The following PTPRG variants were observed in gnomAD, a reference collection of about 807,000 sequenced individuals.
The protein encoded by PTPRG is protein tyrosine phosphatase receptor type G.
In PTPRG, 102 loss-of-function variants were observed where a neutral mutation model predicts 165.3. That is an observed-to-expected ratio of 0.62 (90% confidence interval 0.53 to 0.73). The LOEUF (loss-of-function observed/expected upper bound fraction) is 0.73, where lower values mean the gene tolerates loss of function less well. PTPRG is among the 30% of genes least tolerant of loss of function. The probability of loss-of-function intolerance (pLI) is 0.00; values close to 1 mark genes in which losing one functional copy is unlikely to be tolerated. For missense variants in PTPRG, 1,866 were observed against 1,861.4 expected, an observed-to-expected ratio of 1.00 and a Z score of -0.05; for synonymous variants, 675 against 669.5, an observed-to-expected ratio of 1.01 and a Z score of -0.13.
rs570694602 is a variant in PTPRG at position 62,123,176 on chromosome 3, C to T, written c.616-9426C>T. ...GGGACTATGATCTCATCCGAAAGTT[C>T]AACTGGGGAATGATTCACTTCTAAT... On this transcript the variant is annotated intron_variant, in intron 5 of 29. Transcript: ENST00000474889. 3.3e-5 allele frequency among the ~76,000 whole-genome samples: 5 copies of T among 152,306 alleles called. No individual in the cohort carries two copies. The East Asian group carries it at 5.8e-4, about 18-fold the overall frequency.
intron 5 of PTPRG, among the ~76,000 whole-genome samples, chr3:62,084,956 T>C (rs1241088430): frequency 6.6e-6 from 1 of 152,188 alleles, no homozygotes; most frequent in Admixed American, 6.5e-5. Flanking sequence ...CTCCATTGTC[T>C]AGATTGGAAA....
chr3:61,750,879 GT>G (rs770155790), intron 2 of PTPRG: 5 of 152,126 alleles, frequency 3.3e-5, no homozygotes, highest in Non-Finnish European at 7.4e-5. Flanking sequence ...GTTGGATAGG[GT>G]CCACAGGTTA....
intron 2 of PTPRG, among the ~76,000 whole-genome samples, chr3:61,967,642 G>T (rs977857667): frequency 1.3e-5 from 2 of 152,164 alleles, no homozygotes; most frequent in African/African-American, 4.8e-5. Flanking sequence ...GTTCTGATTA[G>T]AAATGAGTGA....
intron 28 of PTPRG, 76 bp from the exon 29 acceptor site, chr3:62,292,345 C>T (rs1702926379): frequency 2.1e-6 from 3 of 1,452,888 alleles, no homozygotes; most frequent in Non-Finnish European, 1.9e-6. Flanking sequence ...TATGAAAATA[C>T]ATGACAGTAA....
At chr3:62,221,315 G>C (rs184920542) in intron 13 of PTPRG, among the ~76,000 whole-genome samples, 59 of 152,222 alleles carry the variant, frequency 3.9e-4, no homozygotes, top group Non-Finnish European at 7.9e-4. Flanking sequence ...GTCTGGACTT[G>C]AGCTTTTACC....
chr3:62,151,470 G>A (rs1704335267), intron 6 of PTPRG, among the ~76,000 whole-genome samples: 1 of 151,812 alleles, frequency 6.6e-6, no homozygotes, highest in South Asian at 2.1e-4. Flanking sequence ...ATTCATTTTT[G>A]CAATTTGAAT....
At position 62,003,234 on chromosome 3, in the gene PTPRG, C is replaced by A. The variant is rs1030370206; in HGVS notation, c.371-115C>A. ...TGTTCAACATATTTTTTCATAGGTA[C>A]ATGAGGACATAATTCATATCATGGT... On this transcript the variant is annotated intron_variant, in intron 3 of 29. Transcript: ENST00000474889. 23 of 1,215,770 alleles carry A rather than the reference C, an allele frequency of 1.9e-5. No homozygotes were observed. In the African/African-American group the frequency reaches 3.5e-4, roughly 18 times the overall value. 75.3% of individuals were successfully genotyped at this position (1,215,770 alleles called of 1,614,324 possible). A position where few individuals can be genotyped will look rare whatever the true frequency, so the allele number is the denominator to read the frequency against.
intron 2 of PTPRG, among the ~76,000 whole-genome samples, chr3:61,785,913 G>A (rs922954806): frequency 2.0e-5 from 3 of 152,096 alleles, no homozygotes; most frequent in Non-Finnish European, 2.9e-5. Flanking sequence ...CTTCTCTCCT[G>A]TTTGTTCTTT....
chr3:62,269,181 A>G lies in PTPRG; in HGVS notation c.3009+12A>G, dbSNP rs1701979223. On this transcript the variant is annotated intron_variant, in intron 20 of 29. Transcript: ENST00000474889. The stretch of plus-strand genomic sequence containing the variant: ...CAAAAGTGAAAAAGGTATGGAAGGA[A>G]TTGGGTAGGCTGCCAGGGCATCCCC... 1.3e-6 allele frequency: 2 copies of G among 1,569,956 alleles called. No individual in the cohort carries two copies. Among genetic ancestry groups the G allele is most frequent in the African/African-American group, 2.7e-5 (2 of 74,290 alleles).
rs556294175 is a variant in PTPRG, at chr3:61,602,188, C to A, written c.85+39816C>A. Among the ~76,000 whole-genome samples, 112 of 151,968 alleles carry A rather than the reference C, an allele frequency of 7.4e-4. 1 individual carries two copies. The highest frequency in any genetic ancestry group is 2.5e-3 in the African/African-American group (103 of 41,392). On this transcript the variant is annotated intron_variant, in intron 1 of 29. Transcript: ENST00000474889. ...AAATTTTTAATTTCTGTGGGTACTT[C>A]TAGCCTTTTGGCTGGCTGTCTTAGT...
At chr3:61,869,501 C>T (rs559034152) in intron 2 of PTPRG, among the ~76,000 whole-genome samples, 3 of 152,186 alleles carry the variant, frequency 2.0e-5, no homozygotes, top group South Asian at 2.1e-4. Context: ...GTTTACCCTG[C>T]GAACATTCCA....
Position 61,856,199 on chromosome 3 carries a change from G to A in PTPRG, c.190+107217G>A, listed in dbSNP as rs149938372. 1.3e-3 allele frequency among the ~76,000 whole-genome samples: 193 copies of A among 151,940 alleles called. 1 individual carries two copies. Among genetic ancestry groups the A allele is most frequent in the African/African-American group, 4.3e-3 (178 of 41,424 alleles). On this transcript the variant is annotated intron_variant, in intron 2 of 29. Transcript: ENST00000474889. ...TTTAACCACAGTGTACCTCTCAGTGGCGCTTAGTATATTCGCAGTGTGATG... is the reference window on the plus strand; with the variant it reads ...TTTAACCACAGTGTACCTCTCAGTGACGCTTAGTATATTCGCAGTGTGATG...
intron 1 of PTPRG, among the ~76,000 whole-genome samples, chr3:61,689,661 C>G (rs1224662705): frequency 6.6e-6 from 1 of 152,202 alleles, no homozygotes; most frequent in Non-Finnish European, 1.5e-5. Context: ...CTTTTTCTCT[C>G]AGGGTAATTT....
Position 62,195,695 on chromosome 3 carries a change from T to C in PTPRG, c.1327+525T>C, listed in dbSNP as rs1699944315. Among the ~76,000 whole-genome samples the C allele has an allele frequency of 6.6e-6, 1 of 152,098 alleles. No homozygotes were observed. ...TAATAGAAAGGTCCAGGGCCAGAAC[T>C]AGGGTGAAGCAAATGGGACATTTGC... On this transcript the variant is annotated intron_variant, in intron 10 of 29. Coordinates refer to ENST00000474889, the MANE Select transcript of PTPRG (RefSeq NM_002841.4). This position sits in a 1 kb window ranked among gnomAD's most constrained non-coding sequence, Gnocchi z 4.4.
chr3:62,173,198 C>T (rs1705285247), intron 8 of PTPRG, among the ~76,000 whole-genome samples: 1 of 151,930 alleles, frequency 6.6e-6, no homozygotes, highest in Non-Finnish European at 1.5e-5. Context: ...TTGTTATACT[C>T]TACTGATTTT....
chr3:61,564,305 G>T (rs1341662132), intron 1 of PTPRG, among the ~76,000 whole-genome samples: 1 of 152,182 alleles, frequency 6.6e-6, no homozygotes, highest in Non-Finnish European at 1.5e-5. Context: ...GTCGTGGAGG[G>T]CTGCCTTGCA....
chr3:61,584,674 G>A (rs1013898886), intron 1 of PTPRG, among the ~76,000 whole-genome samples: 1 of 150,200 alleles, frequency 6.7e-6, no homozygotes, highest in Admixed American at 6.7e-5. Flanking sequence ...CTAAGGCCTT[G>A]TTACCATCAT....
intron 4 of PTPRG, among the ~76,000 whole-genome samples, chr3:62,045,252 G>T (rs767647708): frequency 1.6e-4 from 24 of 152,160 alleles, no homozygotes; most frequent in Non-Finnish European, 3.2e-4. Context: ...TTTATGCAGT[G>T]TTTATCTCTG....
At chr3:61,813,696 C>T (rs2035665969) in intron 2 of PTPRG, among the ~76,000 whole-genome samples, 1 of 151,390 alleles carries the variant, frequency 6.6e-6, no homozygotes, top group South Asian at 2.1e-4. Context: ...ATACTATGTT[C>T]TTGGCTCTTC....
Sources: gnomAD v4.1 joint callset for allele counts (sites outside exome capture counted in the v4.1 genomes callset) on GRCh38, gnomAD v4.1.1 for gene constraint, Gnocchi (gnomAD v3.1) non-coding constraint, MANE v1.5 for transcripts, NCBI Gene and HGNC (gene_info 2026-07-23, HGNC 2026-07-21) for gene names.